CLASP1: variants seen among roughly 807,000 people sequenced by gnomAD.
CLASP1 encodes the protein CLIP-associating protein 1.
CLASP1 carries 38 observed loss-of-function variants against 192.3 expected under a neutral mutation model. The ratio of observed to expected loss-of-function variants is 0.20; its 90% confidence interval spans 0.15 to 0.26. CLASP1 has a LOEUF of 0.26. CLASP1 is among the 10% of genes least tolerant of loss of function. The pLI, the probability that CLASP1 is intolerant of heterozygous loss-of-function variation, is 1.00. For synonymous variants in CLASP1, 691 were observed against 712.8 expected (o/e 0.97, Z 0.49); for missense variants, 1,433 against 1,932.5 (o/e 0.74, Z 4.85).
intron 2 of CLASP1, among the ~76,000 whole-genome samples, chr2:121,576,660 A>G (rs2060550182): frequency 6.6e-6 from 1 of 152,226 alleles, no homozygotes; most frequent in Non-Finnish European, 1.5e-5. Context: ...ATATGCTCAA[A>G]TGAAATGGAA....
At chr2:121,533,019 G>T (rs953159204) in intron 2 of CLASP1, among the ~76,000 whole-genome samples, 18 of 152,278 alleles carry the variant, frequency 1.2e-4, no homozygotes, top group African/African-American at 4.1e-4. Context: ...TTCATACATC[G>T]TTCAAGGCTA....
intron 6 of CLASP1, among the ~76,000 whole-genome samples, chr2:121,524,223 C>T (rs1056346172): frequency 4.6e-5 from 7 of 152,190 alleles, no homozygotes; most frequent in Non-Finnish European, 1.0e-4. Flanking sequence ...TGCTAGAGCA[C>T]TCCATGTGGC....
intron 1 of CLASP1, among the ~76,000 whole-genome samples, chr2:121,612,169 C>G (rs1379014291): frequency 2.6e-5 from 3 of 116,638 alleles, no homozygotes; most frequent in Admixed American, 8.7e-5. Flanking sequence ...GGAGGAGTTT[C>G]AGGAGGAAGA....
chr2:121,447,156 AG>A (rs2084508464), intron 19 of CLASP1, among the ~76,000 whole-genome samples, 180 bp downstream of exon 19: 1 of 152,232 alleles, frequency 6.6e-6, no homozygotes, highest in Admixed American at 6.5e-5. Flanking sequence ...CATCGAAGAA[AG>A]GGACACTCAA....
chr2:121,569,161 A>C (rs1351446151), intron 2 of CLASP1, among the ~76,000 whole-genome samples: 1 of 152,196 alleles, frequency 6.6e-6, no homozygotes, highest in Admixed American at 6.5e-5. Flanking sequence ...CTGCCTCAAG[A>C]ATCTTACATT....
In CLASP1 at chr2:121,425,430, T is replaced by C. The variant is rs2080222245; in HGVS notation, c.2045-124A>G. 1.2e-5 allele frequency: 9 copies of C among 775,976 alleles called. No homozygotes were observed. The South Asian group carries it at 1.7e-4, about 14-fold the overall frequency. The allele number at this position is 775,976 out of a possible 1,614,324, so 48.1% of individuals were successfully genotyped here. ...ATACACAATTTTATATAAAAATAAA[T>C]TTTTATTTGGTGGTAGTAATTTTTT... On this transcript the variant is annotated intron_variant, in intron 21 of 39. Coordinates refer to ENST00000263710, the Ensembl canonical transcript of CLASP1.
chr2:121,409,504 G>C (rs2077387145), intron 24 of CLASP1, among the ~76,000 whole-genome samples: 1 of 152,170 alleles, frequency 6.6e-6, no homozygotes, highest in Admixed American at 6.5e-5. Flanking sequence ...ATGGGAGCTA[G>C]AGCTCAGAGA....
At chr2:121,563,542 C>T (rs558184870) in intron 2 of CLASP1, among the ~76,000 whole-genome samples, 12 of 152,146 alleles carry the variant, frequency 7.9e-5, no homozygotes, top group Non-Finnish European at 1.8e-4. Context: ...AATATGCTAA[C>T]TTGTTCTAGC....
chr2:121,647,832 T>A (rs866818456), intron 1 of CLASP1, among the ~76,000 whole-genome samples: 1 of 152,224 alleles, frequency 6.6e-6, no homozygotes, highest in South Asian at 2.1e-4. Flanking sequence ...GTCCTGACTT[T>A]GGTTAACCTT....
intron 1 of CLASP1, among the ~76,000 whole-genome samples, chr2:121,623,656 G>C (rs1276419044): frequency 6.6e-6 from 1 of 152,158 alleles, no homozygotes; most frequent in Non-Finnish European, 1.5e-5. Flanking sequence ...AAAGTCATCT[G>C]GACCTAAGCT....
chr2:121,455,035 TC>T (rs1326662306), intron 14 of CLASP1, among the ~76,000 whole-genome samples: 4 of 152,156 alleles, frequency 2.6e-5, no homozygotes, highest in Admixed American at 6.5e-5. Flanking sequence ...TTCATAATCA[TC>T]CCTCTGGCAT....
At chr2:121,480,439 G>A (rs2092498796) in intron 8 of CLASP1, among the ~76,000 whole-genome samples, 2 of 152,270 alleles carry the variant, frequency 1.3e-5, no homozygotes, top group South Asian at 4.1e-4. Context: ...CTTATAACCA[G>A]GCTCCAGAGA....
intron 2 of CLASP1, among the ~76,000 whole-genome samples, chr2:121,533,566 ACTT>A (rs1339513325): frequency 2.6e-5 from 4 of 152,148 alleles, no homozygotes; most frequent in Admixed American, 6.5e-5. Flanking sequence ...TATAAAACCA[ACTT>A]CTTCTGCATG....
intron 20 of CLASP1, among the ~76,000 whole-genome samples, chr2:121,429,743 T>A (rs554113255): frequency 1.8e-4 from 27 of 152,028 alleles, no homozygotes; most frequent in Non-Finnish European, 3.8e-4. Context: ...TAAAATTACA[T>A]CAGAAGGATT....
chr2:121,459,350 C>T (rs1005512017), intron 12 of CLASP1, among the ~76,000 whole-genome samples: 6 of 152,078 alleles, frequency 3.9e-5, no homozygotes, highest in Non-Finnish European at 8.8e-5. Flanking sequence ...AAATAGCAAA[C>T]AAACTGATTA....
At chr2:121,579,658 T>C (rs1235324685) in intron 2 of CLASP1, among the ~76,000 whole-genome samples, 3 of 152,218 alleles carry the variant, frequency 2.0e-5, no homozygotes, top group African/African-American at 7.2e-5. Context: ...TGTACCATTA[T>C]GCATTGAGGA....
intron 1 of CLASP1, among the ~76,000 whole-genome samples, chr2:121,648,971 T>C (rs2106401699): frequency 6.6e-6 from 1 of 152,142 alleles, no homozygotes; most frequent in Non-Finnish European, 1.5e-5. Flanking sequence ...TTGTTGTGGG[T>C]TTCTCTCCCT....
intron 2 of CLASP1, among the ~76,000 whole-genome samples, chr2:121,540,253 A>G (rs1452343567): frequency 6.6e-6 from 1 of 152,242 alleles, no homozygotes; most frequent in African/African-American, 2.4e-5. Context: ...ATAAACACTG[A>G]AAATAAATGA....
intron 2 of CLASP1, among the ~76,000 whole-genome samples, chr2:121,597,448 T>C (rs1399799905): frequency 6.6e-6 from 1 of 152,144 alleles, no homozygotes; most frequent in African/African-American, 2.4e-5. Context: ...GATAAAATAG[T>C]GCACGGAGAG....
Sources: gnomAD v4.1 joint callset for allele counts (sites outside exome capture counted in the v4.1 genomes callset) on GRCh38, gnomAD v4.1.1 for gene constraint, MANE v1.5 for transcripts, NCBI Gene and HGNC (gene_info 2026-07-23, HGNC 2026-07-21) for gene names.